Variants in STXBP6 observed in about 807,000 individuals in gnomAD.
STXBP6 encodes the protein syntaxin binding protein 6.
Under a neutral mutation model 26.9 loss-of-function variants are expected in STXBP6, and 21 were observed. That is an observed-to-expected ratio of 0.78 (90% confidence interval 0.55 to 1.12). The LOEUF (loss-of-function observed/expected upper bound fraction) is 1.12. Ranked by LOEUF, STXBP6 falls within the 50% of genes most tolerant of loss-of-function variation. The probability of loss-of-function intolerance (pLI) is 0.00; values close to 1 mark genes in which losing one functional copy is unlikely to be tolerated. For missense variants in STXBP6, 232 were observed against 257.9 expected (o/e 0.90, Z 0.69); for synonymous variants, 97 against 92.6 (o/e 1.05, Z -0.27).
At chr14:24,883,980 T>C (rs532421986) in intron 2 of STXBP6, among the ~76,000 whole-genome samples, 1 of 152,160 alleles carries the variant, frequency 6.6e-6, no homozygotes, top group Non-Finnish European at 1.5e-5. Context: ...AAACATTAAC[T>C]CTCCTCTTTA....
intron 2 of STXBP6, among the ~76,000 whole-genome samples, chr14:24,925,663 C>T (rs1465340376): frequency 1.3e-5 from 2 of 152,144 alleles, no homozygotes; most frequent in Non-Finnish European, 2.9e-5. Context: ...ACCATCAATT[C>T]CACTTTTAAG....
intron 2 of STXBP6, among the ~76,000 whole-genome samples, chr14:24,883,445 A>T (rs2070447958): frequency 6.6e-6 from 1 of 152,250 alleles, no homozygotes. Context: ...CAAGTATACC[A>T]CTATTACTTT....
At chr14:24,914,263 T>C (rs2071676295) in intron 2 of STXBP6, among the ~76,000 whole-genome samples, 1 of 152,182 alleles carries the variant, frequency 6.6e-6, no homozygotes, top group South Asian at 2.1e-4. Context: ...TTCCCTTATT[T>C]TTCAGTATGA....
At chr14:24,883,752 C>T (rs1161090827) in intron 2 of STXBP6, among the ~76,000 whole-genome samples, 1 of 152,156 alleles carries the variant, frequency 6.6e-6, no homozygotes, top group Admixed American at 6.5e-5. Context: ...GTTCTGAGAT[C>T]TGGCTTACTC....
At chr14:24,817,828 C>A (rs1186646500) in intron 5 of STXBP6, 2 of 329,894 alleles carry the variant, frequency 6.1e-6, no homozygotes, top group Non-Finnish European at 1.2e-5. Context: ...TGAAGGAACT[C>A]GAAATGGGCC....
At chr14:24,927,229 C>T (rs1248763209) in intron 2 of STXBP6, among the ~76,000 whole-genome samples, 4 of 152,104 alleles carry the variant, frequency 2.6e-5, no homozygotes, top group Non-Finnish European at 5.9e-5. Context: ...AGAGCTTCTC[C>T]GTGGTATTCC....
At chr14:25,038,016 A>G (rs1198568708) in intron 1 of STXBP6, among the ~76,000 whole-genome samples, 1 of 152,164 alleles carries the variant, frequency 6.6e-6, no homozygotes, top group Admixed American at 6.5e-5. Context: ...TACAGATTTC[A>G]AGACTTTTTA....
chr14:25,037,962 T>C (rs1310786918), intron 1 of STXBP6, among the ~76,000 whole-genome samples: 1 of 152,190 alleles, frequency 6.6e-6, no homozygotes, highest in African/African-American at 2.4e-5. Flanking sequence ...CCCAGAAACA[T>C]TTGAGGATAA....
At chr14:24,911,915 G>A (rs1349596554) in intron 2 of STXBP6, among the ~76,000 whole-genome samples, 1 of 152,158 alleles carries the variant, frequency 6.6e-6, no homozygotes, top group Admixed American at 6.5e-5. Flanking sequence ...GAGTCTGTGT[G>A]TTCTCCAGTC....
chr14:25,012,207 T>C (rs1595312785), intron 1 of STXBP6, among the ~76,000 whole-genome samples: 1 of 152,230 alleles, frequency 6.6e-6, no homozygotes, highest in Non-Finnish European at 1.5e-5. Context: ...GTATGTAGCA[T>C]GAAACATAAA....
chr14:24,899,415 A>C (rs2071120595), intron 2 of STXBP6, among the ~76,000 whole-genome samples: 1 of 152,120 alleles, frequency 6.6e-6, no homozygotes, highest in Non-Finnish European at 1.5e-5. Flanking sequence ...TTTTTCCTTC[A>C]CCAAGTAACA....
At chr14:24,872,375 T>G (rs2069968576) in intron 2 of STXBP6, among the ~76,000 whole-genome samples, 1 of 152,196 alleles carries the variant, frequency 6.6e-6, no homozygotes, top group African/African-American at 2.4e-5. Context: ...ATTGAATCTT[T>G]TCTCAGCTGC....
intron 2 of STXBP6, among the ~76,000 whole-genome samples, chr14:24,895,265 G>A (rs2070945714): frequency 6.6e-6 from 1 of 152,152 alleles, no homozygotes. Context: ...ATTGACTGTA[G>A]CCAGGAAATA....
At chr14:24,939,461 C>CTTT (rs35988306) in intron 2 of STXBP6, among the ~76,000 whole-genome samples, 2 of 145,404 alleles carry the variant, frequency 1.4e-5, no homozygotes, top group Non-Finnish European at 3.0e-5. Context: ...TCTACATTAC[C>CTTT]TTTTTTTTTT....
intron 5 of STXBP6, among the ~76,000 whole-genome samples, chr14:24,815,426 A>T (rs2067942846): frequency 1.3e-5 from 2 of 150,976 alleles, no homozygotes; most frequent in Non-Finnish European, 3.0e-5. Flanking sequence ...TACTGTTGAT[A>T]AATAATAAAA....
intron 2 of STXBP6, among the ~76,000 whole-genome samples, chr14:24,946,125 G>A (rs1360669699): frequency 1.3e-5 from 2 of 152,134 alleles, no homozygotes; most frequent in East Asian, 3.9e-4. Context: ...AAGTCTTTGA[G>A]TCTACTCTTT....
chr14:24,967,200 A>T (rs1486527612), intron 2 of STXBP6, among the ~76,000 whole-genome samples: 1 of 152,236 alleles, frequency 6.6e-6, no homozygotes, highest in Non-Finnish European at 1.5e-5. Context: ...TCTACCTCAT[A>T]GCACTGCTGT....
At chr14:24,856,597 T>G (rs567833371) in intron 3 of STXBP6, among the ~76,000 whole-genome samples, 105 of 152,182 alleles carry the variant, frequency 6.9e-4, no homozygotes, top group African/African-American at 2.2e-3. Flanking sequence ...ATGTTTCTCC[T>G]ATTAAAAGCA....
intron 4 of STXBP6, 28 bp from the exon 5 acceptor site, chr14:24,819,222 A>C (rs750679339): frequency 1.2e-6 from 2 of 1,613,448 alleles, no homozygotes. Context: ...GGAGCATCAG[A>C]AACTGGCTCA....
Sources: allele counts gnomAD v4.1 joint callset (sites outside exome capture counted in the v4.1 genomes callset), GRCh38; gene constraint gnomAD v4.1.1; transcripts MANE v1.5; gene names NCBI Gene and HGNC (gene_info 2026-07-23, HGNC 2026-07-21).